Variants in CUX1 observed in about 807,000 individuals in gnomAD.
CUX1 encodes protein CASP.
In CUX1, 31 loss-of-function variants were observed where a neutral mutation model predicts 158.8. That is an observed-to-expected ratio of 0.20 (90% CI 0.15 to 0.26). CUX1 has a LOEUF of 0.26. Among genes scored for constraint, CUX1 ranks in the 10% least tolerant of loss-of-function variants. CUX1 has a pLI of 1.00. For synonymous variants in CUX1, 879 were observed against 862.1 expected, an observed-to-expected ratio of 1.02 and a Z score of -0.34; for missense variants, 1,589 against 2,014.6, an observed-to-expected ratio of 0.79 and a Z score of 4.04.
rs1801552225 is a variant in CUX1, at chr7:102,251,874, G to A, written c.*2832G>A. On this transcript the variant is annotated 3_prime_UTR_variant, in exon 24 of 24. Coordinates refer to ENST00000292535, the MANE Select transcript of CUX1 (RefSeq NM_181552.4). ...CAAAGGTGTTAAATCTGAGGAAATTGACAAATACAGATTTGTCCATTCTAG... is the reference window on the plus strand; with the variant it reads ...CAAAGGTGTTAAATCTGAGGAAATTAACAAATACAGATTTGTCCATTCTAG... 1.0e-6 allele frequency: 1 copy of A among 985,296 alleles called. No individual in the cohort carries two copies. Among genetic ancestry groups the A allele is most frequent in the Non-Finnish European group, 1.2e-6 (1 of 829,938 alleles). The allele number at this position is 985,296 out of a possible 1,614,324, so 61.0% of individuals were successfully genotyped here.
intron 1 of CUX1, among the ~76,000 whole-genome samples, chr7:101,886,424 C>T (rs6978555): frequency 6.6e-6 from 1 of 151,878 alleles, no homozygotes; most frequent in Admixed American, 6.5e-5. Flanking sequence ...TGGTCTCAAT[C>T]TTCTGGGTTC....
intron 19 of CUX1, chr7:102,280,199 C>T (rs944213498): frequency 2.4e-5 from 23 of 968,324 alleles, no homozygotes; most frequent in Non-Finnish European, 3.2e-5. Flanking sequence ...TCACTTGGCC[C>T]CTATCCCTGA....
At chr7:101,877,840 G>A (rs1351623252) in intron 1 of CUX1, among the ~76,000 whole-genome samples, 1 of 149,078 alleles carries the variant, frequency 6.7e-6, no homozygotes, top group African/African-American at 2.5e-5. Context: ...GATATGAATA[G>A]GTATATTTTA....
rs570819058 is a variant in CUX1 at position 102,238,318 on chromosome 7, C to T, written c.3623-1002C>T. On this transcript the variant is annotated intron_variant, in intron 22 of 23. Transcript: ENST00000292535. ...GCCTGGCAACGGGCGTCTTCCCAGA[C>T]GCTGGCGTTACCTCTAGACCAAGGA... is the stretch of plus-strand genomic sequence containing the variant. 5.9e-5 allele frequency among the ~76,000 whole-genome samples: 9 copies of T among 152,294 alleles called. No homozygotes were observed. The East Asian group carries it at 9.7e-4, about 16-fold the overall frequency.
chr7:102,190,875 T>C (rs1277996174), intron 12 of CUX1, among the ~76,000 whole-genome samples: 1 of 152,170 alleles, frequency 6.6e-6, no homozygotes, highest in Non-Finnish European at 1.5e-5. Flanking sequence ...CCTTCCTTCC[T>C]GCCCCTCCTG....
intron 2 of CUX1, among the ~76,000 whole-genome samples, chr7:102,024,696 C>T (rs1401284830): frequency 6.6e-6 from 1 of 152,140 alleles, no homozygotes; most frequent in Non-Finnish European, 1.5e-5. Context: ...GTGTGCCAGG[C>T]CCCATGGTCG....
chr7:101,933,932 A>G (rs971993350), intron 2 of CUX1, among the ~76,000 whole-genome samples: 15 of 152,234 alleles, frequency 9.9e-5, no homozygotes, highest in African/African-American at 3.6e-4. Flanking sequence ...AAAGTTTAAA[A>G]AGCGATGTTT....
intron 14 of CUX1, among the ~76,000 whole-genome samples, chr7:102,271,988 C>T (rs1791246902): frequency 6.6e-6 from 1 of 152,182 alleles, no homozygotes; most frequent in African/African-American, 2.4e-5. Flanking sequence ...AGCCACTGCA[C>T]TCCAGCCTGG....
intron 8 of CUX1, among the ~76,000 whole-genome samples, chr7:102,141,475 A>C (rs1202667595): frequency 6.6e-6 from 1 of 152,186 alleles, no homozygotes; most frequent in African/African-American, 2.4e-5. Context: ...AGAAGATGCC[A>C]GGATTTGGGA....
Position 102,028,145 on chromosome 7 carries a change from G to A in CUX1, c.189G>A (p.Glu63=). The A allele has an allele frequency of 6.2e-7, 1 of 1,613,066 alleles. No individual in the cohort carries two copies. Among genetic ancestry groups the A allele is most frequent in the Non-Finnish European group, 8.5e-7 (1 of 1,179,994 alleles). Residue 63 remains glutamate, a splice_region_variant and synonymous_variant, in exon 3 of 24, where the codon GAG becomes GAA. Transcript: ENST00000292535. ...CGCTGCTGAAGAGTTTCCAAGGAGAGGTAAGCTTTTCTATTCATTTTCTAT... is the reference window on the plus strand; with the variant it reads ...CGCTGCTGAAGAGTTTCCAAGGAGAAGTAAGCTTTTCTATTCATTTTCTAT... The part of the protein sequence containing the change: ...VAPLLKSFQG[E]IDALSKRSKE...
chr7:101,874,400 G>A (rs1321732425), intron 1 of CUX1, among the ~76,000 whole-genome samples: 1 of 152,188 alleles, frequency 6.6e-6, no homozygotes, highest in Non-Finnish European at 1.5e-5. Context: ...GCGGAAACAT[G>A]GTGATTTGGA....
chr7:102,247,655 C>A (rs1457175120), intron 23 of CUX1, among the ~76,000 whole-genome samples: 1 of 152,056 alleles, frequency 6.6e-6, no homozygotes, highest in Non-Finnish European at 1.5e-5. Flanking sequence ...AAGACTCCAT[C>A]TCTTTAAAAA....
At chr7:102,141,957 A>G (rs973061577) in intron 8 of CUX1, among the ~76,000 whole-genome samples, 7 of 151,578 alleles carry the variant, frequency 4.6e-5, no homozygotes, top group South Asian at 2.1e-4. Context: ...TTTCCTTAAC[A>G]CTTCCTACCA....
In CUX1 at chr7:102,253,544, A is replaced by T. The variant is rs539187878; in HGVS notation, c.*4502A>T. On this transcript the variant is annotated 3_prime_UTR_variant, in exon 24 of 24. Transcript: ENST00000292535. ...GATCAATGAACTCTGTTGACATTCT[A>T]TGCAATGTTTTTCATTCCTCTGATT... 6.1e-6 allele frequency: 6 copies of T among 985,446 alleles called. No homozygotes were observed. The Admixed American group carries it at 1.8e-4, about 30-fold the overall frequency. 61.0% of individuals were successfully genotyped at this position (985,446 alleles called of 1,614,324 possible).
intron 2 of CUX1, among the ~76,000 whole-genome samples, chr7:101,968,190 C>T (rs376401717): frequency 5.9e-5 from 9 of 152,146 alleles, no homozygotes; most frequent in African/African-American, 2.2e-4. Flanking sequence ...CAGGCATGAA[C>T]CACTGCACCT....
chr7:102,018,452 C>T (rs1442734117), intron 2 of CUX1, among the ~76,000 whole-genome samples: 1 of 152,212 alleles, frequency 6.6e-6, no homozygotes, highest in Admixed American at 6.5e-5. Context: ...GGTGGGCTAG[C>T]CCAGGACACA....
At chr7:102,155,210 C>T (rs893431970) in intron 8 of CUX1, among the ~76,000 whole-genome samples, 53 of 152,120 alleles carry the variant, frequency 3.5e-4, no homozygotes, top group African/African-American at 1.3e-3. Context: ...ATTGGAAATA[C>T]ACGATAGGTA....
At chr7:101,896,572 G>A (rs1801541579) in intron 1 of CUX1, among the ~76,000 whole-genome samples, 1 of 152,138 alleles carries the variant, frequency 6.6e-6, no homozygotes, top group South Asian at 2.1e-4. Context: ...GAACACAAAT[G>A]CTCAGACTTT....
chr7:102,052,442 G>C (rs1290052712), intron 3 of CUX1, among the ~76,000 whole-genome samples: 1 of 152,110 alleles, frequency 6.6e-6, no homozygotes, highest in African/African-American at 2.4e-5. Context: ...ATTCATCTAT[G>C]CTGTAGCATA....
Sources: gnomAD v4.1 joint callset for allele counts (sites outside exome capture counted in the v4.1 genomes callset) on GRCh38, gnomAD v4.1.1 for gene constraint, MANE v1.5 for transcripts, NCBI Gene and HGNC (gene_info 2026-07-23, HGNC 2026-07-21) for gene names.